Variants in CHD7 observed in about 807,000 individuals in gnomAD.
The protein encoded by CHD7 is chromodomain helicase DNA binding protein 7.
CHD7 carries 24 observed loss-of-function variants against 307.3 expected under a neutral mutation model. The ratio of observed to expected loss-of-function variants is 0.08; its 90% CI spans 0.06 to 0.11. The LOEUF is 0.11. CHD7 is among the 10% of genes least tolerant of loss of function. CHD7 has a pLI of 1.00. For synonymous variants in CHD7, 1,363 were observed against 1,349.9 expected (o/e 1.01, Z -0.21); for missense variants, 3,106 against 3,727.1 (o/e 0.83, Z 4.34).
In CHD7 at chr8:60,845,395, G is replaced by A. The variant is rs755703816; in HGVS notation, c.5196G>A (p.Lys1732=). ...FQEDSYKKHL[K]HHCNKVLLRV... ...AGGACAGCTACAAGAAACACCTGAA[G>A]CATCACTGTAACAAGTATGTTATTA... The change falls in exon 23 of 38, where the codon AAG becomes AAA. Residue 1732 remains lysine (K), a synonymous_variant. Transcript: ENST00000423902. 3.8e-5 allele frequency: 61 copies of A among 1,613,854 alleles called. No homozygotes were observed. In the East Asian group the frequency reaches 6.2e-4, roughly 17 times the overall value.
chr8:60,858,450 A>C (rs1805816596), intron 34 of CHD7, among the ~76,000 whole-genome samples: 1 of 152,210 alleles, frequency 6.6e-6, no homozygotes, highest in South Asian at 2.1e-4. Flanking sequence ...GAGTTGTAGC[A>C]CTAGTAAATA....
intron 2 of CHD7, among the ~76,000 whole-genome samples, chr8:60,752,329 G>A (rs1809680153): frequency 6.6e-6 from 1 of 152,148 alleles, no homozygotes; most frequent in Non-Finnish European, 1.5e-5. Context: ...AGGGTTTTTC[G>A]AATGGCAAGT....
In CHD7 at chr8:60,865,125, C is replaced by G; in HGVS notation, c.8186C>G (p.Ala2729Gly). ...CCCAAAAGTGAGATCGCCAGAGCAGCCGCGGCCGCCGCTGCTGTGGCCTCC... is the reference window on the plus strand; with the variant it reads ...CCCAAAAGTGAGATCGCCAGAGCAGGCGCGGCCGCCGCTGCTGTGGCCTCC... ...RRPKSEIARA[A>G]AAAAAVASTS... is the part of the protein sequence containing the mutation. Residue 2729 changes from alanine to glycine, a missense_variant, in exon 38 of 38, where the codon GCC becomes GGC. Transcript: ENST00000423902. This position sits in a 1 kb window ranked among gnomAD's most constrained non-coding sequence, Gnocchi z 4.3. 6.2e-7 allele frequency: 1 copy of G among 1,610,370 alleles called. No individual in the cohort carries two copies. Among genetic ancestry groups the G allele is most frequent in the Non-Finnish European group, 8.5e-7 (1 of 1,178,560 alleles).
At chr8:60,809,686 A>AAAAAAAAAAAAAG in intron 7 of CHD7, 1 of 140,254 alleles carries the variant, frequency 7.1e-6, no homozygotes, top group South Asian at 2.3e-4. Flanking sequence ...AAAAAAAAAA[A>AAAAAAAAAAAAAG]AAAAAAAAGA....
Position 60,781,276 on chromosome 8 carries a change from A to G in CHD7, c.1942A>G (p.Lys648Glu), listed in dbSNP as rs1203697128. ...AGAAAAAAAGAAAAAGAAAAGGTCA[A>G]AGGCAAAAAAAGACCCGAAGGAACC... is the stretch of plus-strand genomic sequence containing the variant. ...QEEKKKKKRS[K>E]AKKDPKEPKE... is the part of the protein sequence containing the mutation. Residue 648 changes from lysine to glutamate, a missense_variant, in exon 3 of 38, where the codon AAG (lysine) becomes GAG (glutamate). Physicochemically the swap from Lys to Glu is moderately conservative, Grantham distance 56. Around this residue, in one of 10 missense-constraint regions of CHD7, gnomAD observed 998 missense variants for 1,004.5 expected, o/e 0.99. Transcript: ENST00000423902. 6.4e-7 allele frequency: 1 copy of G among 1,563,220 alleles called. No homozygotes were observed. Among genetic ancestry groups the G allele is most frequent in the African/African-American group, 1.4e-5 (1 of 73,320 alleles).
At chr8:60,750,588 A>G (rs1047144582) in intron 2 of CHD7, among the ~76,000 whole-genome samples, 1 of 152,246 alleles carries the variant, frequency 6.6e-6, no homozygotes, top group Non-Finnish European at 1.5e-5. Flanking sequence ...TAATTTTAGT[A>G]ATACATTTAA....
At chr8:60,853,778 CAG>C (rs1386413216) in intron 31 of CHD7, among the ~76,000 whole-genome samples, 1 of 152,184 alleles carries the variant, frequency 6.6e-6, no homozygotes, top group East Asian at 1.9e-4. Context: ...TAGTGAGTGA[CAG>C]TGTATTAAGA....
rs1434566381 is a variant in CHD7 at position 60,841,936 on chromosome 8, C to G, written c.4734C>G (p.Asp1578Glu). 1 of 1,612,518 alleles carries G rather than the reference C, an allele frequency of 6.2e-7. No individual in the cohort carries two copies. The highest frequency in any genetic ancestry group is 1.7e-5 in the Admixed American group (1 of 59,804). The part of the protein sequence containing the change: ...VKEDELMEFS[D>E]LESDSEEKPC... ...AAGATGAGCTGATGGAGTTCTCAGA[C>G]TTGGAAAGTGATTCTGAAGAAAAGC... Residue 1578 changes from aspartate to glutamate, a missense_variant, in exon 21 of 38, where the codon GAC becomes GAG. Transcript: ENST00000423902.
At chr8:60,844,699 T>C (rs1034931327) in intron 21 of CHD7, among the ~76,000 whole-genome samples, 165 bp from the exon 22 acceptor site, 1 of 152,190 alleles carries the variant, frequency 6.6e-6, no homozygotes. Context: ...GCTTACTGTA[T>C]AAAGGAGTGT....
At chr8:60,697,354 T>C (rs749886017) in intron 1 of CHD7, among the ~76,000 whole-genome samples, 2 of 152,210 alleles carry the variant, frequency 1.3e-5, no homozygotes, top group Non-Finnish European at 2.9e-5. Flanking sequence ...TTTGCACTTA[T>C]AATAAAATAG....
chr8:60,705,855 A>C (rs1255435870), intron 1 of CHD7, among the ~76,000 whole-genome samples: 1 of 152,234 alleles, frequency 6.6e-6, no homozygotes, highest in African/African-American at 2.4e-5. Flanking sequence ...TAATAGAATA[A>C]GTCACATTTA....
chr8:60,697,690 A>G (rs1197849462), intron 1 of CHD7, among the ~76,000 whole-genome samples: 1 of 152,272 alleles, frequency 6.6e-6, no homozygotes, highest in African/African-American at 2.4e-5. Context: ...AAAAACCACA[A>G]AAACCTCAGT....
At chr8:60,835,063 A>G (rs2150773645) in intron 15 of CHD7, among the ~76,000 whole-genome samples, 1 of 152,374 alleles carries the variant, frequency 6.6e-6, no homozygotes, top group East Asian at 1.9e-4. Context: ...TATTTTCTGA[A>G]GAATAGTTGA....
At chr8:60,755,246 T>C (rs185370687) in intron 2 of CHD7, among the ~76,000 whole-genome samples, 1 of 152,298 alleles carries the variant, frequency 6.6e-6, no homozygotes, top group Non-Finnish European at 1.5e-5. Flanking sequence ...TTTTAAAAAA[T>C]AAGAAGGCAG....
chr8:60,853,316 T>A lies in CHD7; in HGVS notation c.6591T>A (p.Asp2197Glu), dbSNP rs1805557110. The change falls in exon 31 of 38, where the codon GAT becomes GAA. Residue 2197 changes from aspartate to glutamate, a missense_variant. This residue lies in a region of CHD7 where 1,030 missense variants were observed against 1,165.4 expected (regional missense o/e 0.88). Coordinates refer to ENST00000423902, the MANE Select transcript of CHD7 (RefSeq NM_017780.4). The stretch of plus-strand genomic sequence containing the variant: ...GCAAAGAAGAGGAAGAAGAAACCGA[T>A]GGCAGCGGGAAGGAGAGCAAGCAGG... ...CEGKEEEEET[D>E]GSGKESKQEC... is the part of the protein sequence containing the mutation. 6.2e-7 allele frequency: 1 copy of A among 1,603,148 alleles called. No individual in the cohort carries two copies. The highest frequency in any genetic ancestry group is 2.2e-5 in the East Asian group (1 of 44,676).
chr8:60,861,491 C>T (rs373956946), intron 35 of CHD7: 17 of 180,104 alleles, frequency 9.4e-5, no homozygotes, highest in African/African-American at 1.4e-4. Context: ...GACGAGGCCC[C>T]GCCATCCCAG....
chr8:60,739,639 G>A (rs72650474), intron 1 of CHD7, among the ~76,000 whole-genome samples: 1 of 152,320 alleles, frequency 6.6e-6, no homozygotes, highest in Non-Finnish European at 1.5e-5. Flanking sequence ...GAAAACTACA[G>A]GCCTGGAGAC....
chr8:60,809,895 T>C (rs904523079), intron 7 of CHD7, among the ~76,000 whole-genome samples: 1 of 152,162 alleles, frequency 6.6e-6, no homozygotes, highest in South Asian at 2.1e-4. Context: ...GACTTAAATA[T>C]GGTTGTGGTT....
chr8:60,854,556 A>T, intron 32 of CHD7, 33 bp downstream of exon 32: 1 of 1,555,526 alleles, frequency 6.4e-7, no homozygotes, highest in Non-Finnish European at 8.7e-7. Flanking sequence ...TGTTTTGCTG[A>T]CCAAAAAGGA....
Sources: gnomAD v4.1 joint callset for allele counts (sites outside exome capture counted in the v4.1 genomes callset) on GRCh38, gnomAD v4.1.1 for gene constraint, gnomAD v4.1.1 regional missense constraint, Gnocchi (gnomAD v3.1) non-coding constraint, MANE v1.5 for transcripts, NCBI Gene and HGNC (gene_info 2026-07-23, HGNC 2026-07-21) for gene names.